TYW1B: variants seen among roughly 807,000 people sequenced by gnomAD.
TYW1B encodes the protein S-adenosyl-L-methionine-dependent tRNA 4-demethylwyosine synthase TYW1B.
A neutral mutation model predicts 86.9 loss-of-function variants in TYW1B; 73 were observed. That is an observed-to-expected ratio of 0.84 (90% CI 0.70 to 1.02). The LOEUF is 1.02. Ranked by LOEUF, TYW1B falls within the 50% of genes least tolerant of loss-of-function variation. TYW1B has a pLI of 0.00. For synonymous variants in TYW1B, 248 were observed against 292.8 expected, an observed-to-expected ratio of 0.85 and a Z score of 1.56; for missense variants, 637 against 827.4, an observed-to-expected ratio of 0.77 and a Z score of 2.82.
At chr7:72,764,217 G>A (rs1787734685) in intron 7 of TYW1B, among the ~76,000 whole-genome samples, 1 of 152,124 alleles carries the variant, frequency 6.6e-6, no homozygotes, top group African/African-American at 2.4e-5. Context: ...TTACTGTTCT[G>A]AATTATTCTC....
At chr7:72,767,579 C>T (rs1787792764) in intron 7 of TYW1B, among the ~76,000 whole-genome samples, 1 of 151,900 alleles carries the variant, frequency 6.6e-6, no homozygotes, top group South Asian at 2.1e-4. Context: ...CACTGCACTC[C>T]AGCCTGGGTG....
In TYW1B at chr7:72,670,568, G is replaced by A. The variant is rs576468667; in HGVS notation, c.1506+24119C>T. ...AGTGAGGAAGTAAAGACTTCACAGA[G>A]GTTCGGTGGTTTGGCCAAGGTTGCA... On this transcript the variant is annotated intron_variant, in intron 11 of 13. Coordinates refer to ENST00000620995, the MANE Select transcript of TYW1B (RefSeq NM_001145440.3). Among the ~76,000 whole-genome samples the A allele has an allele frequency of 7.9e-5, 12 of 152,322 alleles. No homozygotes were observed. In the South Asian group the frequency reaches 2.1e-3, roughly 26 times the overall value.
intron 11 of TYW1B, among the ~76,000 whole-genome samples, chr7:72,651,602 G>A (rs1271821527): frequency 1.3e-5 from 2 of 152,126 alleles, no homozygotes; most frequent in African/African-American, 4.8e-5. Context: ...CCAACAGAGT[G>A]AGACTCCAAC....
At chr7:72,632,264 A>AATAT (rs567073853) in intron 11 of TYW1B, among the ~76,000 whole-genome samples, 1 of 105,744 alleles carries the variant, frequency 9.5e-6, no homozygotes, top group Non-Finnish European at 1.8e-5. Flanking sequence ...GTCTCCAAAA[A>AATAT]ATATATATAT....
At chr7:72,807,399 A>G (rs1554477031) in intron 4 of TYW1B, 43 bp from the exon 5 acceptor site, 15 of 1,583,808 alleles carry the variant, frequency 9.5e-6, no homozygotes, top group African/African-American at 1.3e-5. Flanking sequence ...GGTTCTCTAA[A>G]TCAGGGTTTT....
intron 10 of TYW1B, among the ~76,000 whole-genome samples, chr7:72,697,233 A>G (rs1409631741): frequency 1.3e-5 from 2 of 152,052 alleles, no homozygotes; most frequent in East Asian, 1.9e-4. Context: ...ACAAACCTCT[A>G]TCATTTACAA....
At chr7:72,632,285 G>GTATATATATATATATATAT (rs1239640717) in intron 11 of TYW1B, among the ~76,000 whole-genome samples, 9,191 of 83,398 alleles carry the variant, frequency 0.11, 1,174 homozygotes, top group East Asian at 0.47. Flanking sequence ...ATATATACGT[G>GTATATATATATATATATAT]TATATATATA....
In TYW1B at chr7:72,632,401, ATAT is replaced by A. The variant is rs1563038778; in HGVS notation, c.1507-3407_1507-3405del. Reference sequence around the variant, plus strand: ...TTATATATATACGTATATATATATAATATATATATACATATATATATAAAATAT... The same window carrying A: ...TTATATATATACGTATATATATATAAATATATACATATATATATAAAATAT... On this transcript the variant is annotated intron_variant, in intron 11 of 13. Transcript: ENST00000620995. 1.8e-4 allele frequency among the ~76,000 whole-genome samples: 18 copies of A among 98,718 alleles called. 1 individual carries two copies. Among genetic ancestry groups the A allele is most frequent in the African/African-American group, 7.4e-4 (15 of 20,344 alleles). The allele number at this position is 98,718 out of a possible 152,430, so 64.8% of individuals were successfully genotyped here.
At chr7:72,808,872 A>G (rs1336987706) in intron 4 of TYW1B, among the ~76,000 whole-genome samples, 2 of 151,688 alleles carry the variant, frequency 1.3e-5, no homozygotes, top group African/African-American at 4.8e-5. Context: ...CGTCACTCAC[A>G]CTCCACCAGA....
At chr7:72,710,270 A>T (rs1291705798) in intron 10 of TYW1B, among the ~76,000 whole-genome samples, 1 of 152,126 alleles carries the variant, frequency 6.6e-6, no homozygotes, top group African/African-American at 2.4e-5. Flanking sequence ...TTCTTTATGC[A>T]TATACCCCAA....
chr7:72,743,287 AG>A (rs1234511905), intron 8 of TYW1B, among the ~76,000 whole-genome samples: 1 of 152,176 alleles, frequency 6.6e-6, no homozygotes, highest in Non-Finnish European at 1.5e-5. Context: ...AAGAGCTAAC[AG>A]GGGAAACTGA....
At chr7:72,757,033 G>A (rs1273695525) in intron 7 of TYW1B, among the ~76,000 whole-genome samples, 1 of 152,094 alleles carries the variant, frequency 6.6e-6, no homozygotes, top group Non-Finnish European at 1.5e-5. Context: ...CACACAGGTA[G>A]GAAATGAATA....
chr7:72,690,759 T>C (rs1554450191), intron 11 of TYW1B, among the ~76,000 whole-genome samples: 1 of 152,190 alleles, frequency 6.6e-6, no homozygotes, highest in Non-Finnish European at 1.5e-5. Context: ...TTGTAATATA[T>C]TTATTTTGAG....
At chr7:72,739,656 T>A (rs1395568528) in intron 8 of TYW1B, among the ~76,000 whole-genome samples, 1 of 144,156 alleles carries the variant, frequency 6.9e-6, no homozygotes, top group Non-Finnish European at 1.5e-5. Context: ...TCTCAGTAGG[T>A]ACATGAACAA....
rs1487870511 is a variant in TYW1B, at chr7:72,612,804, C to T, written c.1785+3868G>A. On this transcript the variant is annotated intron_variant, in intron 13 of 13. Coordinates refer to ENST00000620995, the MANE Select transcript of TYW1B (RefSeq NM_001145440.3). ...TCACTCTGTTGCCCAGAATAAAGTG[C>T]AATGGCATAATCACGGGTCACTGCA... Among the ~76,000 whole-genome samples, 6 of 151,938 alleles carry T rather than the reference C, an allele frequency of 3.9e-5. No individual in the cohort carries two copies. The East Asian group carries it at 1.2e-3, about 29-fold the overall frequency.
intron 7 of TYW1B, among the ~76,000 whole-genome samples, chr7:72,746,662 C>T (rs1196496752): frequency 6.6e-6 from 1 of 152,036 alleles, no homozygotes; most frequent in Non-Finnish European, 1.5e-5. Flanking sequence ...AACTACTGTC[C>T]TTATAAGAAC....
intron 7 of TYW1B, among the ~76,000 whole-genome samples, chr7:72,763,819 G>A (rs1787728115): frequency 6.6e-6 from 1 of 152,124 alleles, no homozygotes; most frequent in Non-Finnish European, 1.5e-5. Flanking sequence ...TTCAAAGAAT[G>A]TATGTCACAT....
intron 2 of TYW1B, among the ~76,000 whole-genome samples, chr7:72,824,560 G>A (rs1788894771): frequency 6.6e-6 from 1 of 151,990 alleles, no homozygotes; most frequent in Non-Finnish European, 1.5e-5. Flanking sequence ...GGCCAATATG[G>A]TGAAACCTCG....
At chr7:72,667,715 A>G (rs562436206) in intron 11 of TYW1B, among the ~76,000 whole-genome samples, 1 of 152,198 alleles carries the variant, frequency 6.6e-6, no homozygotes, top group African/African-American at 2.4e-5. Flanking sequence ...TCCAGCTCAA[A>G]AAAACAAAAC....
Sources: gnomAD v4.1 joint callset for allele counts (sites outside exome capture counted in the v4.1 genomes callset) on GRCh38, gnomAD v4.1.1 for gene constraint, MANE v1.5 for transcripts, NCBI Gene and HGNC (gene_info 2026-07-23, HGNC 2026-07-21) for gene names.